The following WASF3 variants were observed in gnomAD, a reference collection of about 807,000 sequenced individuals.
WASF3 encodes actin-binding protein WASF3.
In WASF3, 11 loss-of-function variants were observed where a neutral mutation model predicts 46.6. The observed-to-expected ratio is 0.24, with a 90% CI of 0.15 to 0.39. The LOEUF is 0.39. WASF3 is among the 10% of genes least tolerant of loss of function. WASF3 has a pLI of 1.00. For synonymous variants in WASF3, 242 were observed against 259.7 expected (o/e 0.93, Z 0.65); for missense variants, 576 against 669.8 (o/e 0.86, Z 1.55).
intron 3 of WASF3, among the ~76,000 whole-genome samples, chr13:26,664,266 A>C (rs1882709964): frequency 6.6e-6 from 1 of 152,214 alleles, no homozygotes; most frequent in Non-Finnish European, 1.5e-5. Context: ...TCTGTCAGAA[A>C]AGTTAAGGTG....
chr13:26,599,001 G>T (rs1880562006), intron 1 of WASF3, among the ~76,000 whole-genome samples: 1 of 152,060 alleles, frequency 6.6e-6, no homozygotes, highest in Non-Finnish European at 1.5e-5. Context: ...CTCATGAGTA[G>T]CTGGGATTAC....
chr13:26,631,006 G>A (rs1311261632), intron 2 of WASF3, among the ~76,000 whole-genome samples: 6 of 152,020 alleles, frequency 3.9e-5, no homozygotes, highest in African/African-American at 1.4e-4. Context: ...TTGATGGGTT[G>A]TTTTTTTCTT....
At chr13:26,580,720 G>A (rs1173830146) in intron 1 of WASF3, among the ~76,000 whole-genome samples, 1 of 151,240 alleles carries the variant, frequency 6.6e-6, no homozygotes, top group Admixed American at 6.6e-5. Flanking sequence ...CCGCCTCCCG[G>A]GTTCAAGCGA....
intron 1 of WASF3, among the ~76,000 whole-genome samples, chr13:26,575,119 A>C (rs1033211993): frequency 7.9e-5 from 12 of 152,074 alleles, no homozygotes; most frequent in African/African-American, 2.4e-4. Flanking sequence ...TACAGGCGTG[A>C]GCCACCGTGC....
At chr13:26,606,321 CGT>C (rs60865367) in intron 1 of WASF3, among the ~76,000 whole-genome samples, 6,856 of 131,928 alleles carry the variant, frequency 0.052, 234 homozygotes, top group African/African-American at 0.092. Flanking sequence ...TCTTTTTTTT[CGT>C]GTGTGTGTGT....
chr13:26,681,549 TCA>T (rs1232543978), intron 8 of WASF3, among the ~76,000 whole-genome samples: 1 of 152,178 alleles, frequency 6.6e-6, no homozygotes, highest in African/African-American at 2.4e-5. Flanking sequence ...GTGTGTTCCC[TCA>T]CACACACTCT....
the WASF3 span, among the ~76,000 whole-genome samples, chr13:26,543,672 C>A: frequency 6.6e-6 from 1 of 152,072 alleles, no homozygotes; most frequent in Non-Finnish European, 1.5e-5. Flanking sequence ...GAGAACAGAT[C>A]CATTCTCATG....
chr13:26,578,224 G>A (rs1309880982), intron 1 of WASF3, among the ~76,000 whole-genome samples: 1 of 152,170 alleles, frequency 6.6e-6, no homozygotes, highest in Non-Finnish European at 1.5e-5. Context: ...ATTTCAGGGG[G>A]AAAGCATTCA....
Position 26,670,243 on chromosome 13 carries a change from A to G in WASF3, c.423-1629A>G, listed in dbSNP as rs545947287. ...AAGCTGGAAACCATCATTCTCAGCA[A>G]ACTAACACAGGAACAGAAAAACACT... On this transcript the variant is annotated intron_variant, in intron 5 of 9. Transcript: ENST00000335327. Among the ~76,000 whole-genome samples, 24 of 152,260 alleles carry G rather than the reference A, an allele frequency of 1.6e-4. 1 individual carries two copies. In the South Asian group the frequency reaches 3.7e-3, roughly 24 times the overall value.
intron 2 of WASF3, among the ~76,000 whole-genome samples, chr13:26,618,173 T>G (rs1881193363): frequency 6.6e-6 from 1 of 152,218 alleles, no homozygotes; most frequent in Admixed American, 6.5e-5. Flanking sequence ...TCACTATTAG[T>G]GCCTCCTTTT....
chr13:26,544,300 G>A, the WASF3 span, among the ~76,000 whole-genome samples: 26 of 152,216 alleles, frequency 1.7e-4, no homozygotes, highest in Middle Eastern at 3.4e-3. Context: ...ATCCTTCTTG[G>A]CTTCTCAAAA....
At chr13:26,544,911 A>T in the WASF3 span, among the ~76,000 whole-genome samples, 1 of 152,252 alleles carries the variant, frequency 6.6e-6, no homozygotes, top group African/African-American at 2.4e-5. Flanking sequence ...CACTCTGGAC[A>T]GGCACAGAGT....
rs1380646530 is a variant in WASF3 at position 26,682,942 on chromosome 13, C to G, written c.1319C>G (p.Ala440Gly). ...CCTGCACAGCCACCAATCAGTGATG[C>G]TCGAAGCGACCTCCTCGCTGCTATT... ...QEPAQPPISD[A>G]RSDLLAAIRM... The change falls in exon 9 of 10, where the codon GCT becomes GGT. Residue 440 changes from alanine to glycine, a missense_variant. Around this residue, in one of 3 missense-constraint regions of WASF3, gnomAD observed 68 missense variants for 100.3 expected, o/e 0.68. Coordinates refer to ENST00000335327, the MANE Select transcript of WASF3 (RefSeq NM_006646.6). The surrounding 1 kb of genome is among the most constrained non-coding windows in gnomAD (Gnocchi z 4.4). 2 of 1,608,076 alleles carry G rather than the reference C, an allele frequency of 1.2e-6. No individual in the cohort carries two copies. The highest frequency in any genetic ancestry group is 2.7e-5 in the African/African-American group (2 of 75,040).
intron 1 of WASF3, among the ~76,000 whole-genome samples, chr13:26,575,811 C>T (rs1396726486): frequency 6.6e-6 from 1 of 152,108 alleles, no homozygotes; most frequent in South Asian, 2.1e-4. Flanking sequence ...TGATGCCAGG[C>T]TGATTCATTC....
chr13:26,609,116 A>G (rs912229534), intron 1 of WASF3, among the ~76,000 whole-genome samples: 4 of 152,232 alleles, frequency 2.6e-5, no homozygotes, highest in African/African-American at 9.6e-5. Flanking sequence ...TAATATTGAT[A>G]GATTAACAAT....
At chr13:26,589,526 C>G (rs528163868) in intron 1 of WASF3, among the ~76,000 whole-genome samples, 2 of 152,180 alleles carry the variant, frequency 1.3e-5, no homozygotes, top group East Asian at 3.9e-4. Flanking sequence ...GATGTGGCAT[C>G]GTCAATAGAT....
At chr13:26,608,490 T>G (rs1880871350) in intron 1 of WASF3, among the ~76,000 whole-genome samples, 1 of 152,226 alleles carries the variant, frequency 6.6e-6, no homozygotes, top group African/African-American at 2.4e-5. Flanking sequence ...GTATCTCTTC[T>G]GCTACTTGTT....
At chr13:26,579,673 G>A (rs996683471) in intron 1 of WASF3, among the ~76,000 whole-genome samples, 3 of 151,908 alleles carry the variant, frequency 2.0e-5, no homozygotes, top group African/African-American at 4.8e-5. Context: ...ACAGCCCCCT[G>A]GACCCCCTCA....
intron 1 of WASF3, among the ~76,000 whole-genome samples, chr13:26,607,686 C>T (rs893579934): frequency 2.6e-5 from 4 of 151,868 alleles, no homozygotes; most frequent in African/African-American, 9.7e-5. Context: ...GACTGGAGTG[C>T]TGTGGAGTGA....
Sources: gnomAD v4.1 joint callset for allele counts (sites outside exome capture counted in the v4.1 genomes callset) on GRCh38, gnomAD v4.1.1 for gene constraint, gnomAD v4.1.1 regional missense constraint, Gnocchi (gnomAD v3.1) non-coding constraint, MANE v1.5 for transcripts, NCBI Gene and HGNC (gene_info 2026-07-23, HGNC 2026-07-21) for gene names.